STRIP1: variants seen among roughly 807,000 people sequenced by gnomAD.
The protein encoded by STRIP1 is striatin-interacting protein 1.
STRIP1 carries 63 observed loss-of-function variants against 106.2 expected under a neutral mutation model. The ratio of observed to expected loss-of-function variants is 0.59; its 90% CI spans 0.48 to 0.73. The LOEUF (loss-of-function observed/expected upper bound fraction) is 0.73. Among genes scored for constraint, STRIP1 ranks in the 30% least tolerant of loss-of-function variants. The pLI is 0.00. For missense variants in STRIP1, 857 were observed against 1,074.8 expected, an observed-to-expected ratio of 0.80 and a Z score of 2.83; for synonymous variants, 390 against 413.0, an observed-to-expected ratio of 0.94 and a Z score of 0.67.
At position 110,043,640 on chromosome 1, in the gene STRIP1, C is replaced by G. The variant is rs1324679066; in HGVS notation, c.1070C>G (p.Ala357Gly). The G allele has an allele frequency of 3.1e-6, 5 of 1,613,228 alleles. No individual in the cohort carries two copies. In the East Asian group the frequency reaches 1.1e-4, roughly 36 times the overall value. Residue 357 changes from alanine (A) to glycine (G), a missense_variant and splice_region_variant, in exon 10 of 21, where the codon GCT (alanine) becomes GGT (glycine). Transcript: ENST00000369795. ...CTCATCTCCCTTCCCTGGTTTCAGGCTCTGATAAAGCAGGACAACCTAGAT... is the reference window on the plus strand; with the variant it reads ...CTCATCTCCCTTCCCTGGTTTCAGGGTCTGATAAAGCAGGACAACCTAGAT... ...QQKRGRREHK[A>G]LIKQDNLDAF...
intron 20 of STRIP1, among the ~76,000 whole-genome samples, chr1:110,052,300 C>T (rs780502879): frequency 1.4e-4 from 21 of 152,136 alleles, no homozygotes; most frequent in Non-Finnish European, 2.6e-4. Flanking sequence ...GATAGGGTCT[C>T]GCTCTGTTGC....
At chr1:110,051,186 G>T (rs1473123158) in intron 19 of STRIP1, 126 bp downstream of exon 19, 5 of 664,772 alleles carry the variant, frequency 7.5e-6, no homozygotes, top group Non-Finnish European at 1.4e-5. Context: ...CCGTATCCTT[G>T]CATTTTAAGG....
In STRIP1 at chr1:110,034,824, A is replaced by T. The variant is rs983695189; in HGVS notation, c.180+7A>T. 1 of 1,380,882 alleles carries T rather than the reference A, an allele frequency of 7.2e-7. No individual in the cohort carries two copies. The highest frequency in any genetic ancestry group is 1.5e-5 in the African/African-American group (1 of 64,982). The allele number at this position is 1,380,882 out of a possible 1,614,324, so 85.5% of individuals were successfully genotyped here. A position where few individuals can be genotyped will look rare whatever the true frequency, so the allele number is the denominator to read the frequency against. ...CCAGCGCAAAGACTCAGAGGTCAGG[A>T]GCTTCGGGGGGCGAGGCTCGCACCG... On this transcript the variant is annotated splice_region_variant and intron_variant, in intron 1 of 20. Coordinates refer to ENST00000369795, the MANE Select transcript of STRIP1 (RefSeq NM_033088.4).
intron 17 of STRIP1, chr1:110,049,764 G>A: frequency 1.8e-6 from 1 of 543,800 alleles, no homozygotes; most frequent in Non-Finnish European, 3.2e-6. Context: ...TGCCCCAGGT[G>A]ACTTGGTCTG....
chr1:110,051,325 G>A (rs892835663), intron 19 of STRIP1, among the ~76,000 whole-genome samples: 2 of 152,176 alleles, frequency 1.3e-5, no homozygotes, highest in Non-Finnish European at 2.9e-5. Context: ...ACATAATCAG[G>A]GTTCTGAGAA....
At position 110,038,506 on chromosome 1, in the gene STRIP1, A is replaced by G. The variant is rs146555423; in HGVS notation, c.251-177A>G. ...GCATTCTGGCACTCTGGTTGTCTCT[A>G]TTGTGCACATCAGAGCACTAAGATC... On this transcript the variant is annotated intron_variant, in intron 2 of 20. Transcript: ENST00000369795. 2.3e-3 allele frequency among the ~76,000 whole-genome samples: 355 copies of G among 152,278 alleles called. 3 individuals carry two copies. Among genetic ancestry groups the G allele is most frequent in the African/African-American group, 8.3e-3 (345 of 41,548 alleles).
chr1:110,040,499 C>T, intron 5 of STRIP1, 136 bp from the exon 6 acceptor site: 1 of 760,874 alleles, frequency 1.3e-6, no homozygotes, highest in Admixed American at 3.2e-5. Context: ...GGTTTCTTAA[C>T]CACCGTGTCC....
chr1:110,036,008 G>A (rs947683690), intron 1 of STRIP1, among the ~76,000 whole-genome samples: 1 of 152,228 alleles, frequency 6.6e-6, no homozygotes, highest in Non-Finnish European at 1.5e-5. Context: ...AGTTTTTCAA[G>A]TGGAAGATTA....
rs775837761 is a variant in STRIP1, at chr1:110,049,470, T to C, written c.1799T>C (p.Met600Thr). The C allele has an allele frequency of 1.6e-5, 25 of 1,570,022 alleles. No individual in the cohort carries two copies. The highest frequency in any genetic ancestry group is 6.8e-5 in the Admixed American group (4 of 58,700). ...KLNHVYQFEY[M>T]AQHLVFANCI... Reference sequence around the variant, plus strand: ...TCCTGTTGGCTTCAGTTTGAATACATGGCCCAGCACCTGGTGTTTGCCAAC... The same window carrying C: ...TCCTGTTGGCTTCAGTTTGAATACACGGCCCAGCACCTGGTGTTTGCCAAC... The change falls in exon 17 of 21, where the codon ATG becomes ACG. Residue 600 changes from methionine (M) to threonine (T), a missense_variant. Around this residue, in one of 2 missense-constraint regions of STRIP1, gnomAD observed 750 missense variants for 989.8 expected, o/e 0.76. Transcript: ENST00000369795.
At chr1:110,037,448 A>G (rs954174053) in intron 1 of STRIP1, among the ~76,000 whole-genome samples, 4 of 152,254 alleles carry the variant, frequency 2.6e-5, no homozygotes, top group African/African-American at 4.8e-5. Context: ...TTGACAGTCC[A>G]CTAGCCAGAA....
At chr1:110,039,589 C>T in intron 5 of STRIP1, 74 bp downstream of exon 5, 1 of 1,519,412 alleles carries the variant, frequency 6.6e-7, no homozygotes, top group Non-Finnish European at 8.9e-7. Flanking sequence ...GCAGAACTAA[C>T]TGGCTTTGAG....
intron 2 of STRIP1, 112 bp downstream of exon 2, chr1:110,038,072 ATATATAT>A: frequency 2.7e-4 from 1 of 3,676 alleles, no homozygotes; most frequent in Non-Finnish European, 7.1e-4. Flanking sequence ...GTTCTATCAA[ATATATAT>A]ATATATATAT....
chr1:110,035,841 G>A (rs1026760080), intron 1 of STRIP1, among the ~76,000 whole-genome samples: 1 of 152,104 alleles, frequency 6.6e-6, no homozygotes, highest in African/African-American at 2.4e-5. Flanking sequence ...TTTATTTTTT[G>A]TTAGCAAGGC....
At chr1:110,045,119 A>C in intron 12 of STRIP1, 41 bp downstream of exon 12, 1 of 1,583,048 alleles carries the variant, frequency 6.3e-7, no homozygotes, top group South Asian at 1.1e-5. Flanking sequence ...TTTGGTCCTA[A>C]GTGAGTAGAG....
intron 6 of STRIP1, 28 bp downstream of exon 6, chr1:110,040,731 T>A (rs778780822): frequency 6.3e-7 from 1 of 1,591,536 alleles, no homozygotes; most frequent in Non-Finnish European, 8.6e-7. Context: ...CCTGGGCTCC[T>A]GAGCGTTAGT....
intron 3 of STRIP1, 193 bp downstream of exon 3, chr1:110,038,950 T>C (rs1652624974): frequency 4.3e-6 from 3 of 705,382 alleles, no homozygotes; most frequent in Non-Finnish European, 7.0e-6. Flanking sequence ...AATGTGCATA[T>C]TAGGGGAGAA....
intron 18 of STRIP1, 44 bp from the exon 19 acceptor site, chr1:110,050,900 AACTGCTGCACAC>A: frequency 9.7e-7 from 1 of 1,030,880 alleles, no homozygotes; most frequent in Non-Finnish European, 1.5e-6. Flanking sequence ...GACTTTTGGA[AACTGCTGCACAC>A]ACTGCAGCCA....
rs1299536673 is a variant in STRIP1, at chr1:110,043,631, G to A, written c.1069-8G>A. ...GGCTCTTGTCTCATCTCCCTTCCCT[G>A]GTTTCAGGCTCTGATAAAGCAGGAC... On this transcript the variant is annotated splice_region_variant and splice_polypyrimidine_tract_variant and intron_variant, in intron 9 of 20. Transcript: ENST00000369795. 7 of 1,612,176 alleles carry A rather than the reference G, an allele frequency of 4.3e-6. No homozygotes were observed. The highest frequency in any genetic ancestry group is 5.1e-6 in the Non-Finnish European group (6 of 1,179,058).
intron 6 of STRIP1, 34 bp from the exon 7 acceptor site, chr1:110,041,502 T>A: frequency 6.5e-7 from 1 of 1,548,856 alleles, no homozygotes; most frequent in Non-Finnish European, 8.9e-7. Flanking sequence ...GACCCCCCCA[T>A]CCCACTCCAT....
Sources: gnomAD v4.1 joint callset for allele counts (sites outside exome capture counted in the v4.1 genomes callset) on GRCh38, gnomAD v4.1.1 for gene constraint, gnomAD v4.1.1 regional missense constraint, MANE v1.5 for transcripts, NCBI Gene and HGNC (gene_info 2026-07-23, HGNC 2026-07-21) for gene names.